The following GLDC variants were observed in gnomAD, a reference collection of about 807,000 sequenced individuals.
GLDC encodes the protein glycine decarboxylase.
In GLDC, 104 loss-of-function variants were observed where a neutral mutation model predicts 121.3. The observed-to-expected ratio is 0.86, with a 90% CI of 0.73 to 1.01. The LOEUF is 1.01. Ranked by LOEUF, GLDC falls within the 50% of genes least tolerant of loss-of-function variation. The pLI is 0.00. For synonymous variants in GLDC, 546 were observed against 480.6 expected, an observed-to-expected ratio of 1.14 and a Z score of -1.78; for missense variants, 1,429 against 1,306.6, an observed-to-expected ratio of 1.09 and a Z score of -1.44.
chr9:6,560,717 T>G (rs578059607), intron 16 of GLDC, among the ~76,000 whole-genome samples: 4 of 152,124 alleles, frequency 2.6e-5, no homozygotes, highest in African/African-American at 9.7e-5. Flanking sequence ...CACAAACATA[T>G]AAAAACGTCA....
At chr9:6,617,758 T>C (rs1190376354) in intron 3 of GLDC, among the ~76,000 whole-genome samples, 1 of 152,198 alleles carries the variant, frequency 6.6e-6, no homozygotes, top group South Asian at 2.1e-4. Context: ...ACAAAGCACA[T>C]GCACCCACCA....
chr9:6,610,587 G>T (rs1014452630), intron 3 of GLDC, among the ~76,000 whole-genome samples: 4 of 151,998 alleles, frequency 2.6e-5, no homozygotes, highest in African/African-American at 9.7e-5. Context: ...TCTCTCTGGT[G>T]TTGTTTTTTT....
At chr9:6,551,228 T>C (rs996963612) in intron 20 of GLDC, among the ~76,000 whole-genome samples, 2 of 152,240 alleles carry the variant, frequency 1.3e-5, no homozygotes, top group African/African-American at 4.8e-5. Flanking sequence ...TTAAATTACA[T>C]GTGTTTTGTG....
At chr9:6,538,777 C>T (rs896602675) in intron 22 of GLDC, among the ~76,000 whole-genome samples, 5 of 152,232 alleles carry the variant, frequency 3.3e-5, no homozygotes, top group African/African-American at 1.2e-4. Context: ...AAGGCATCCA[C>T]AAAGTGAGTG....
In GLDC at chr9:6,639,525, C is replaced by T. The variant is rs940982778; in HGVS notation, c.334+5089G>A. 1.6e-5 allele frequency: 13 copies of T among 802,614 alleles called. No individual in the cohort carries two copies. The East Asian group carries it at 1.9e-4, about 12-fold the overall frequency. The allele number at this position is 802,614 out of a possible 1,614,324, so 49.7% of individuals were successfully genotyped here. Reference sequence around the variant, plus strand: ...TGTGGCCAAGGGCAACACCCTGATTCGGCCTGATGGAGAGAAGAAGGTATA... The same window carrying T: ...TGTGGCCAAGGGCAACACCCTGATTTGGCCTGATGGAGAGAAGAAGGTATA... On this transcript the variant is annotated intron_variant, in intron 2 of 24. Transcript: ENST00000321612.
chr9:6,587,936 G>C (rs2129834634), intron 14 of GLDC, among the ~76,000 whole-genome samples: 1 of 152,168 alleles, frequency 6.6e-6, no homozygotes, highest in Non-Finnish European at 1.5e-5. Flanking sequence ...ATGGATCCTG[G>C]CCTAGTAGAG....
At chr9:6,583,024 AC>A (rs1360008887) in intron 15 of GLDC, among the ~76,000 whole-genome samples, 2 of 152,176 alleles carry the variant, frequency 1.3e-5, no homozygotes, top group African/African-American at 4.8e-5. Context: ...ACCACTTCAC[AC>A]CTACCAGAAT....
At chr9:6,640,092 C>T (rs551583792) in intron 2 of GLDC, among the ~76,000 whole-genome samples, 122 of 152,292 alleles carry the variant, frequency 8.0e-4, no homozygotes, top group African/African-American at 2.9e-3. Context: ...TCAGAACACA[C>T]CTAAAGGCTT....
chr9:6,554,077 G>A (rs1464597829), intron 19 of GLDC, among the ~76,000 whole-genome samples: 1 of 152,112 alleles, frequency 6.6e-6, no homozygotes, highest in South Asian at 2.1e-4. Flanking sequence ...ATTTTTGGGA[G>A]ACTGAAGCAG....
chr9:6,626,019 A>C lies in GLDC; in HGVS notation c.335-5700T>G, dbSNP rs73639332. On this transcript the variant is annotated intron_variant, in intron 2 of 24. Transcript: ENST00000321612. ...CAGATCGCTTCCCTCTGAGAACACAAAATGCCACCCCTCTGCCTGCCTTCA... is the reference window on the plus strand; with the variant it reads ...CAGATCGCTTCCCTCTGAGAACACACAATGCCACCCCTCTGCCTGCCTTCA... Among the ~76,000 whole-genome samples, 511 of 152,088 alleles carry C rather than the reference A, an allele frequency of 3.4e-3. 3 individuals carry two copies. Among genetic ancestry groups the C allele is most frequent in the African/African-American group, 0.012 (484 of 41,488 alleles).
chr9:6,575,341 T>TA (rs1195646574), intron 15 of GLDC, among the ~76,000 whole-genome samples: 3 of 152,178 alleles, frequency 2.0e-5, no homozygotes, highest in Non-Finnish European at 2.9e-5. Flanking sequence ...CAGGTAATTC[T>TA]AACATGCAGC....
chr9:6,594,732 A>AAAGCAAGAAAGCAAGC (rs556086583), intron 9 of GLDC, among the ~76,000 whole-genome samples: 11 of 147,074 alleles, frequency 7.5e-5, no homozygotes, highest in African/African-American at 2.2e-4. Context: ...AGCAAACAAG[A>AAAGCAAGAAAGCAAGC]AAGCAAGAAA....
At chr9:6,638,537 A>G (rs183872060) in intron 2 of GLDC, among the ~76,000 whole-genome samples, 2 of 152,058 alleles carry the variant, frequency 1.3e-5, no homozygotes, top group Non-Finnish European at 2.9e-5. Context: ...CTTTACATTG[A>G]GAAGATATAT....
intron 21 of GLDC, among the ~76,000 whole-genome samples, chr9:6,543,296 T>A (rs1192235070): frequency 2.0e-5 from 3 of 152,034 alleles, no homozygotes; most frequent in Non-Finnish European, 4.4e-5. Context: ...AATGCCCTGA[T>A]TGTGACAATG....
At chr9:6,612,225 A>T (rs972365022) in intron 3 of GLDC, among the ~76,000 whole-genome samples, 2 of 147,782 alleles carry the variant, frequency 1.4e-5, no homozygotes, top group Non-Finnish European at 3.0e-5. Flanking sequence ...ACACTCTCTC[A>T]CACACACACT....
intron 2 of GLDC, among the ~76,000 whole-genome samples, chr9:6,620,953 A>G (rs745961481): frequency 6.6e-6 from 1 of 152,166 alleles, no homozygotes; most frequent in Non-Finnish European, 1.5e-5. Context: ...GGATCACCTG[A>G]GGTCAGGAGT....
At chr9:6,625,646 C>A (rs921946994) in intron 2 of GLDC, among the ~76,000 whole-genome samples, 1 of 152,220 alleles carries the variant, frequency 6.6e-6, no homozygotes, top group African/African-American at 2.4e-5. Context: ...AAAAATCTAG[C>A]TCCCGCTGCA....
intron 20 of GLDC, among the ~76,000 whole-genome samples, chr9:6,551,810 G>A (rs183885502): frequency 9.2e-5 from 14 of 152,314 alleles, no homozygotes; most frequent in Admixed American, 6.5e-4. Flanking sequence ...GGGAGTGGAT[G>A]TAGGGCAAGG....
At chr9:6,618,304 GA>G (rs1400208958) in intron 3 of GLDC, among the ~76,000 whole-genome samples, 1 of 152,090 alleles carries the variant, frequency 6.6e-6, no homozygotes, top group Non-Finnish European at 1.5e-5. Context: ...TCCACAGTTA[GA>G]CATTATATCC....
Sources: allele counts gnomAD v4.1 joint callset (sites outside exome capture counted in the v4.1 genomes callset), GRCh38; gene constraint gnomAD v4.1.1; transcripts MANE v1.5; gene names NCBI Gene and HGNC (gene_info 2026-07-23, HGNC 2026-07-21).